SHISA9: variants seen among roughly 807,000 people sequenced by gnomAD.
SHISA9 encodes protein shisa-9.
A neutral mutation model predicts 38.0 loss-of-function variants in SHISA9; 13 were observed. The ratio of observed to expected loss-of-function variants is 0.34; its 90% CI spans 0.22 to 0.54. The LOEUF is 0.54. Among genes scored for constraint, SHISA9 ranks in the 20% least tolerant of loss-of-function variants. SHISA9 has a pLI of 0.91. For synonymous variants in SHISA9, 275 were observed against 242.0 expected (o/e 1.14, Z -1.27); for missense variants, 538 against 575.8 (o/e 0.93, Z 0.67).
At chr16:13,225,028 T>G (rs533899171) in intron 4 of SHISA9, among the ~76,000 whole-genome samples, 92 of 152,252 alleles carry the variant, frequency 6.0e-4, no homozygotes, top group Non-Finnish European at 1.1e-3. Context: ...GAGGATATAT[T>G]GAATTAATGT....
chr16:13,246,049 T>C, the SHISA9 span, among the ~76,000 whole-genome samples: 1 of 152,180 alleles, frequency 6.6e-6, no homozygotes, highest in East Asian at 1.9e-4. Context: ...CAGATTCTAG[T>C]TTTTTATTTA....
chr16:13,029,144 A>T (rs1036134269), intron 2 of SHISA9, among the ~76,000 whole-genome samples: 17 of 152,192 alleles, frequency 1.1e-4, no homozygotes, highest in African/African-American at 3.9e-4. Flanking sequence ...CTGGGTATAT[A>T]CCCCAAAGAA....
chr16:13,289,502 A>G, the SHISA9 span, among the ~76,000 whole-genome samples: 1 of 152,078 alleles, frequency 6.6e-6, no homozygotes, highest in African/African-American at 2.4e-5. Flanking sequence ...TGCAGAAAGA[A>G]AAGATAAATA....
chr16:13,446,342 G>A, the SHISA9 span, among the ~76,000 whole-genome samples: 1 of 152,130 alleles, frequency 6.6e-6, no homozygotes, highest in South Asian at 2.1e-4. Context: ...AACATTTACT[G>A]AGTCCCTAAT....
intron 2 of SHISA9, among the ~76,000 whole-genome samples, chr16:13,182,868 A>C (rs371224612): frequency 6.6e-6 from 1 of 152,222 alleles, no homozygotes; most frequent in African/African-American, 2.4e-5. Context: ...GACTCTGTTC[A>C]GCTGTGCAGT....
chr16:13,271,869 G>A, the SHISA9 span, among the ~76,000 whole-genome samples: 1 of 152,002 alleles, frequency 6.6e-6, no homozygotes, highest in Non-Finnish European at 1.5e-5. Flanking sequence ...ATAACCTGAG[G>A]TCAGGAGTTC....
At chr16:13,278,605 T>A in the SHISA9 span, among the ~76,000 whole-genome samples, 1 of 152,208 alleles carries the variant, frequency 6.6e-6, no homozygotes, top group Admixed American at 6.5e-5. Context: ...TTGTTATTGG[T>A]CTGTTCAGGG....
chr16:13,467,454 G>C, the SHISA9 span, among the ~76,000 whole-genome samples: 3 of 152,190 alleles, frequency 2.0e-5, no homozygotes, highest in African/African-American at 7.2e-5. Flanking sequence ...ACTGGGGACT[G>C]TACCATTGGC....
chr16:13,221,394 C>G (rs1432468049), intron 4 of SHISA9, among the ~76,000 whole-genome samples: 1 of 150,442 alleles, frequency 6.6e-6, no homozygotes, highest in Non-Finnish European at 1.5e-5. Context: ...GGAATCTGCA[C>G]AACTTTATAC....
chr16:13,377,893 CGTG>C, the SHISA9 span, among the ~76,000 whole-genome samples: 1 of 151,996 alleles, frequency 6.6e-6, no homozygotes, highest in African/African-American at 2.4e-5. Context: ...ATTAGCCAGT[CGTG>C]GTGGCACGCA....
At chr16:13,045,454 G>A (rs941969949) in intron 2 of SHISA9, among the ~76,000 whole-genome samples, 2 of 152,154 alleles carry the variant, frequency 1.3e-5, no homozygotes, top group Non-Finnish European at 2.9e-5. Flanking sequence ...TGGCTAAGTA[G>A]TACAGATAGG....
chr16:13,335,156 G>C, the SHISA9 span, among the ~76,000 whole-genome samples: 4 of 152,232 alleles, frequency 2.6e-5, no homozygotes, highest in African/African-American at 9.6e-5. Context: ...ATCTAACCCA[G>C]AGGAGGCTGG....
the SHISA9 span, among the ~76,000 whole-genome samples, chr16:13,378,600 C>T: frequency 6.6e-6 from 1 of 152,184 alleles, no homozygotes; most frequent in Non-Finnish European, 1.5e-5. Flanking sequence ...GACTGTTATT[C>T]ATGCACCTGT....
At chr16:12,933,613 A>G (rs372557471) in intron 2 of SHISA9, among the ~76,000 whole-genome samples, 1 of 152,182 alleles carries the variant, frequency 6.6e-6, no homozygotes, top group African/African-American at 2.4e-5. Flanking sequence ...TTTTAATAGT[A>G]TATCCTTGAT....
At chr16:13,327,922 G>T in the SHISA9 span, among the ~76,000 whole-genome samples, 1 of 152,134 alleles carries the variant, frequency 6.6e-6, no homozygotes, top group South Asian at 2.1e-4. Context: ...GCCTCCCAAA[G>T]TGCTAGGATT....
chr16:13,517,053 G>A, the SHISA9 span, among the ~76,000 whole-genome samples: 1 of 152,310 alleles, frequency 6.6e-6, no homozygotes, highest in East Asian at 1.9e-4. Flanking sequence ...AATGTCTGCA[G>A]ATATAATTAT....
intron 2 of SHISA9, among the ~76,000 whole-genome samples, chr16:13,167,071 T>TTTA (rs2050643420): frequency 8.0e-6 from 1 of 124,686 alleles, no homozygotes; most frequent in Non-Finnish European, 1.7e-5. Context: ...CTCTCTTTTT[T>TTTA]CTTTTTTTTT....
At chr16:13,341,323 C>G in the SHISA9 span, among the ~76,000 whole-genome samples, 3 of 152,118 alleles carry the variant, frequency 2.0e-5, no homozygotes, top group African/African-American at 7.2e-5. Flanking sequence ...TCTGCAGATT[C>G]AATAAAAGAC....
At chr16:13,167,745 G>A (rs1184525749) in intron 2 of SHISA9, among the ~76,000 whole-genome samples, 4 of 152,102 alleles carry the variant, frequency 2.6e-5, no homozygotes. Context: ...CGCCATGATT[G>A]TTATTTTCCC....
Sources: allele counts gnomAD v4.1 joint callset (sites outside exome capture counted in the v4.1 genomes callset), GRCh38; gene constraint gnomAD v4.1.1; transcripts MANE v1.5; gene names NCBI Gene and HGNC (gene_info 2026-07-23, HGNC 2026-07-21).